INPPL1: variants seen among roughly 807,000 people sequenced by gnomAD.
INPPL1 encodes the protein inositol polyphosphate phosphatase like 1.
INPPL1 carries 91 observed loss-of-function variants against 139.3 expected under a neutral mutation model. The ratio of observed to expected loss-of-function variants is 0.65; its 90% CI spans 0.55 to 0.78. The LOEUF (loss-of-function observed/expected upper bound fraction) is 0.78, where lower values mean the gene tolerates loss of function less well. INPPL1 is among the 30% of genes least tolerant of loss of function. INPPL1 has a pLI of 0.00. For missense variants in INPPL1, 1,411 were observed against 1,665.6 expected, an observed-to-expected ratio of 0.85 and a Z score of 2.66; for synonymous variants, 719 against 686.6, an observed-to-expected ratio of 1.05 and a Z score of -0.74.
rs765003632 is a variant in INPPL1, at chr11:72,238,064, G to C, written c.3575G>C (p.Arg1192Pro). The C allele has an allele frequency of 2.6e-6, 4 of 1,564,030 alleles. No homozygotes were observed. Among genetic ancestry groups the C allele is most frequent in the Non-Finnish European group, 3.5e-6 (4 of 1,155,716 alleles). The change falls in exon 27 of 28, where the codon CGG (arginine) becomes CCG (proline). Residue 1192 changes from arginine to proline, a missense_variant. By Grantham distance (103) the Arg-to-Pro change is moderately radical. Transcript: ENST00000298229. ...TAGGCTCCGTGCCTGCAGGGCGGGCGGGCCAGCGGGCTGGGCGAGGCAGGC... is the reference window on the plus strand; with the variant it reads ...TAGGCTCCGTGCCTGCAGGGCGGGCCGGCCAGCGGGCTGGGCGAGGCAGGC... The part of the protein sequence containing the change: ...AEEAPCLQGG[R>P]ASGLGEAGMS...
At chr11:72,232,194 C>T in intron 13 of INPPL1, 46 bp from the exon 14 acceptor site, 1 of 1,415,470 alleles carries the variant, frequency 7.1e-7, no homozygotes, top group African/African-American at 1.4e-5. Flanking sequence ...GAGTTGGGAG[C>T]CCTCTGAGGA....
intron 25 of INPPL1, 60 bp downstream of exon 25, chr11:72,236,046 C>T: frequency 1.1e-6 from 1 of 915,042 alleles, no homozygotes; most frequent in East Asian, 2.6e-5. Context: ...CCATCACTAT[C>T]CCCTGCAGGG....
intron 1 of INPPL1, among the ~76,000 whole-genome samples, chr11:72,226,588 A>G (rs1317056179): frequency 6.6e-6 from 1 of 152,184 alleles, no homozygotes; most frequent in African/African-American, 2.4e-5. Context: ...GTCCCCCACA[A>G]CAAAGAACTG....
Position 72,230,481 on chromosome 11 carries a change from C to T in INPPL1, c.1197+13C>T, listed in dbSNP as rs1948801951. On this transcript the variant is annotated intron_variant, in intron 10 of 27. Transcript: ENST00000298229. ...TGTCAGTGCCCGGGTGAGCAGCAGG[C>T]TGGGCCAGGCCACTGGGGACTGCGG... The T allele has an allele frequency of 4.3e-6, 7 of 1,612,076 alleles. No individual in the cohort carries two copies. The highest frequency in any genetic ancestry group is 1.3e-5 in the African/African-American group (1 of 74,884).
Position 72,238,685 on chromosome 11 carries a change from GC to G in INPPL1, c.*337del. The G allele has an allele frequency of 5.1e-6, 1 of 194,286 alleles. No homozygotes were observed. The highest frequency in any genetic ancestry group is 1.0e-5 in the Non-Finnish European group (1 of 95,754). The allele number at this position is 194,286 out of a possible 1,614,324, so 12.0% of individuals were successfully genotyped here. On this transcript the variant is annotated 3_prime_UTR_variant, in exon 28 of 28. Coordinates refer to ENST00000298229, the MANE Select transcript of INPPL1 (RefSeq NM_001567.4). Reference sequence around the variant, plus strand: ...TGGGGGTCCATTTGGGTACGTCTGGGCCCCCACTTTCACCAGTTTCTGCGGC... The same window carrying G: ...TGGGGGTCCATTTGGGTACGTCTGGGCCCCACTTTCACCAGTTTCTGCGGC...
In INPPL1 at chr11:72,238,285, G is replaced by C. The variant is rs1316524684; in HGVS notation, c.3709G>C (p.Glu1237Gln). 1 of 1,611,308 alleles carries C rather than the reference G, an allele frequency of 6.2e-7. No homozygotes were observed. ...CAGTGACATCACCGAGGAGGACTTGGAGGAGGCTGGGGTGCAGGACCCGGC... is the reference window on the plus strand; with the variant it reads ...CAGTGACATCACCGAGGAGGACTTGCAGGAGGCTGGGGTGCAGGACCCGGC... ...FLSDITEEDL[E>Q]EAGVQDPAHK... Residue 1237 changes from glutamate to glutamine, a missense_variant, in exon 28 of 28, where the codon GAG becomes CAG. Physicochemically the swap from Glu to Gln is conservative, Grantham distance 29. Around this residue, in one of 5 missense-constraint regions of INPPL1, gnomAD observed 438 missense variants for 425.7 expected, o/e 1.03. Transcript: ENST00000298229.
rs376366065 is a variant in INPPL1 at position 72,228,696 on chromosome 11, C to T, written c.398-31C>T. ...CCTACTCCACTGAGTGTGGGAGGCC[C>T]AAACGGCTGCCCACTGACCCCTGCC... On this transcript the variant is annotated intron_variant, in intron 3 of 27. Transcript: ENST00000298229. This position sits in a 1 kb window ranked among gnomAD's most constrained non-coding sequence, Gnocchi z 5.0. 6.9e-6 allele frequency: 11 copies of T among 1,602,462 alleles called. No homozygotes were observed. The highest frequency in any genetic ancestry group is 3.6e-4 in the Middle Eastern group (2 of 5,614).
Position 72,230,070 on chromosome 11 carries a change from G to C in INPPL1, c.939+51G>C, listed in dbSNP as rs770184208. 6 of 1,613,604 alleles carry C rather than the reference G, an allele frequency of 3.7e-6. No individual in the cohort carries two copies. In the East Asian group the frequency reaches 1.1e-4, roughly 30 times the overall value. ...GCCAAGGGTGGTTGGAGGTGACCAG[G>C]GTGCTGCCTACTCCAAGGTCTTGTC... On this transcript the variant is annotated intron_variant, in intron 8 of 27. Coordinates refer to ENST00000298229, the MANE Select transcript of INPPL1 (RefSeq NM_001567.4).
intron 12 of INPPL1, 121 bp downstream of exon 12, chr11:72,231,310 C>G: frequency 1.9e-6 from 2 of 1,063,464 alleles, no homozygotes; most frequent in Non-Finnish European, 2.8e-6. Context: ...GGTCCCTGAG[C>G]ATATCCTTTG....
At chr11:72,223,954 C>T (rs1189730453), upstream of INPPL1, 1 of 152,714 alleles carries the variant, frequency 6.5e-6, no homozygotes, top group Non-Finnish European at 1.5e-5. Flanking sequence ...CCGGAGCAGC[C>T]CGGGAGGTGG....
In INPPL1 at chr11:72,229,523, A is replaced by C. The variant is rs1948770319; in HGVS notation, c.718A>C (p.Ser240Arg). ...CCTGTCCAAGGTGTTTGACCAGCAGAGCTCGCCCATGGTGACCCGCCTTTT... is the reference window on the plus strand; with the variant it reads ...CCTGTCCAAGGTGTTTGACCAGCAGCGCTCGCCCATGGTGACCCGCCTTTT... ...EILSKVFDQQ[S>R]SPMVTRLLQQ... The change falls in exon 6 of 28, where the codon AGC becomes CGC. Residue 240 changes from serine to arginine, a missense_variant. Transcript: ENST00000298229. 4 of 1,614,092 alleles carry C rather than the reference A, an allele frequency of 2.5e-6. No individual in the cohort carries two copies. The highest frequency in any genetic ancestry group is 3.4e-6 in the Non-Finnish European group (4 of 1,180,014).
intron 1 of INPPL1, among the ~76,000 whole-genome samples, chr11:72,226,177 CT>C (rs772547413): frequency 0.069 from 8,897 of 129,794 alleles, 374 homozygotes; most frequent in African/African-American, 0.17. Context: ...CAGGGGAGAC[CT>C]TTTTTTTTTT....
intron 17 of INPPL1, 109 bp downstream of exon 17, chr11:72,233,272 C>A: frequency 1.8e-6 from 2 of 1,086,864 alleles, no homozygotes; most frequent in Non-Finnish European, 2.7e-6. Flanking sequence ...CCTCCATGGC[C>A]CCTCTGAGGC....
rs1948803504 is a variant in INPPL1, at chr11:72,230,521, G to A, written c.1197+53G>A. The stretch of plus-strand genomic sequence containing the variant: ...GGGGACTGCGGGGGTCCCCCACATG[G>A]GTGCTTCCCATTGGAGGGTAAGAAA... On this transcript the variant is annotated intron_variant, in intron 10 of 27. Transcript: ENST00000298229. 17 of 1,516,984 alleles carry A rather than the reference G, an allele frequency of 1.1e-5. No individual in the cohort carries two copies. In the South Asian group the frequency reaches 1.7e-4, roughly 15 times the overall value. The allele number at this position is 1,516,984 out of a possible 1,614,324, so 94.0% of individuals were successfully genotyped here. A position where few individuals can be genotyped will look rare whatever the true frequency, so the allele number is the denominator to read the frequency against.
chr11:72,232,845 T>C lies in INPPL1; in HGVS notation c.1852-30T>C, dbSNP rs746876312. Reference sequence around the variant, plus strand: ...ACCCCTGGCTCTGGCTCCGGAGGAATGTTTCTAGCCTTTGTGTCCTCCACC... The same window carrying C: ...ACCCCTGGCTCTGGCTCCGGAGGAACGTTTCTAGCCTTTGTGTCCTCCACC... On this transcript the variant is annotated intron_variant, in intron 15 of 27. Transcript: ENST00000298229. The C allele has an allele frequency of 3.7e-6, 6 of 1,613,574 alleles. No individual in the cohort carries two copies. The South Asian group carries it at 6.6e-5, about 18-fold the overall frequency.
intron 19 of INPPL1, among the ~76,000 whole-genome samples, 154 bp downstream of exon 19, chr11:72,233,898 T>C (rs1948907589): frequency 6.6e-6 from 1 of 152,030 alleles, no homozygotes; most frequent in Non-Finnish European, 1.5e-5. Flanking sequence ...TGTGTCAGGG[T>C]GTCTGTGCGC....
rs1948901779 is a variant in INPPL1 at position 72,233,720 on chromosome 11, AC to A, written c.2190del (p.Ser731ProfsTer27). ...PVFGTFEVGV[T>X]SQFISKKGLS... ...GTTTGGGACATTTGAGGTTGGAGTT[AC>A]CTCCCAGTTCATCTCCAAGAAAGGT... On this transcript the variant is annotated frameshift_variant, in exon 19 of 28. Coordinates refer to ENST00000298229, the MANE Select transcript of INPPL1 (RefSeq NM_001567.4). LOFTEE classifies it high-confidence loss of function. 6.2e-7 allele frequency: 1 copy of A among 1,613,648 alleles called. No homozygotes were observed. The highest frequency in any genetic ancestry group is 8.5e-7 in the Non-Finnish European group (1 of 1,179,886).
chr11:72,232,618 C>A lies in INPPL1; in HGVS notation c.1713-8C>A, dbSNP rs1202954954. The A allele has an allele frequency of 1.9e-6, 3 of 1,613,198 alleles. No individual in the cohort carries two copies. Among genetic ancestry groups the A allele is most frequent in the Non-Finnish European group, 2.5e-6 (3 of 1,179,702 alleles). On this transcript the variant is annotated splice_region_variant and splice_polypyrimidine_tract_variant and intron_variant, in intron 14 of 27. Coordinates refer to ENST00000298229, the MANE Select transcript of INPPL1 (RefSeq NM_001567.4). The stretch of plus-strand genomic sequence containing the variant: ...CTACCCCTCCCCACCACGCACCCCT[C>A]ACCCTAGGAGGAACCAAAACTACTT...
Position 72,228,446 on chromosome 11 carries a change from TC to T in INPPL1, c.347del (p.Pro116LeufsTer2). On this transcript the variant is annotated frameshift_variant, in exon 3 of 28. Coordinates refer to ENST00000298229, the MANE Select transcript of INPPL1 (RefSeq NM_001567.4). LOFTEE classifies it high-confidence loss of function. The surrounding 1 kb of genome is among the most constrained non-coding windows in gnomAD (Gnocchi z 5.0). ...NQGLVCALLLPVEGEREPDPP... is the reference protein window; with the variant it reads ...NQGLVCALLLXVEGEREPDPP... ...AGGGCCTTGTGTGCGCCCTGCTTCT[TC>T]CTGTAGAGGGTGAGCGAGAGCCGGA... 1 of 1,612,154 alleles carries T rather than the reference TC, an allele frequency of 6.2e-7. No individual in the cohort carries two copies. Among genetic ancestry groups the T allele is most frequent in the Non-Finnish European group, 8.5e-7 (1 of 1,179,986 alleles).
Sources: allele counts gnomAD v4.1 joint callset (sites outside exome capture counted in the v4.1 genomes callset), GRCh38; gene constraint gnomAD v4.1.1; regional missense constraint gnomAD v4.1.1; non-coding constraint Gnocchi (gnomAD v3.1); transcripts MANE v1.5; gene names NCBI Gene and HGNC (gene_info 2026-07-23, HGNC 2026-07-21).